The following ARID1B variants were observed in gnomAD, a reference collection of about 807,000 sequenced individuals.
ARID1B encodes AT-rich interactive domain-containing protein 1B.
Under a neutral mutation model 212.3 loss-of-function variants are expected in ARID1B, and 30 were observed. The observed-to-expected ratio is 0.14, with a 90% confidence interval of 0.11 to 0.19. The LOEUF (loss-of-function observed/expected upper bound fraction) is 0.19, where lower values mean the gene tolerates loss of function less well. Among genes scored for constraint, ARID1B ranks in the 10% least tolerant of loss-of-function variants. The probability of loss-of-function intolerance (pLI) is 1.00; values close to 1 mark genes in which losing one functional copy is unlikely to be tolerated. For missense variants in ARID1B, 2,891 were observed against 3,204.0 expected, an observed-to-expected ratio of 0.90 and a Z score of 2.36; for synonymous variants, 1,402 against 1,301.7, an observed-to-expected ratio of 1.08 and a Z score of -1.66.
At chr6:156,952,503 GC>G (rs1425954870) in intron 4 of ARID1B, among the ~76,000 whole-genome samples, 1 of 152,204 alleles carries the variant, frequency 6.6e-6, no homozygotes, top group Non-Finnish European at 1.5e-5. Flanking sequence ...TTCCCATCCT[GC>G]CCCCCATGGT....
At chr6:157,032,340 C>T (rs901269868) in intron 4 of ARID1B, among the ~76,000 whole-genome samples, 7 of 152,170 alleles carry the variant, frequency 4.6e-5, no homozygotes, top group African/African-American at 1.7e-4. Context: ...CTTTAACCAT[C>T]TCCCATATTT....
At chr6:157,085,490 A>G (rs1038051385) in intron 5 of ARID1B, among the ~76,000 whole-genome samples, 1 of 152,108 alleles carries the variant, frequency 6.6e-6, no homozygotes, top group Non-Finnish European at 1.5e-5. Flanking sequence ...CATCGCCTCT[A>G]TCTTCTCCCT....
chr6:157,049,020 A>G (rs1782418708), intron 4 of ARID1B, among the ~76,000 whole-genome samples: 1 of 152,046 alleles, frequency 6.6e-6, no homozygotes, highest in Non-Finnish European at 1.5e-5. Context: ...CTAAAAATAC[A>G]AAAATCAGCC....
At chr6:156,796,659 T>G (rs551474365) in intron 1 of ARID1B, among the ~76,000 whole-genome samples, 60 of 152,354 alleles carry the variant, frequency 3.9e-4, no homozygotes, top group Admixed American at 1.0e-3. Flanking sequence ...TGAGCTTCTC[T>G]CTGTTGGAGA....
At chr6:157,000,375 T>C (rs1373991831) in intron 4 of ARID1B, among the ~76,000 whole-genome samples, 1 of 152,236 alleles carries the variant, frequency 6.6e-6, no homozygotes, top group Non-Finnish European at 1.5e-5. Flanking sequence ...AATGGAGATC[T>C]ATTTTATATC....
chr6:157,053,677 A>G (rs1782750106), intron 4 of ARID1B, among the ~76,000 whole-genome samples: 1 of 152,172 alleles, frequency 6.6e-6, no homozygotes, highest in African/African-American at 2.4e-5. Context: ...GTTTTATGAG[A>G]TTAGGAAAAG....
intron 2 of ARID1B, among the ~76,000 whole-genome samples, chr6:156,898,652 CAAAA>C (rs916729219): frequency 1.3e-5 from 2 of 151,922 alleles, no homozygotes; most frequent in African/African-American, 4.8e-5. Flanking sequence ...AATGCATTGA[CAAAA>C]AAACAATAAT....
intron 5 of ARID1B, among the ~76,000 whole-genome samples, chr6:157,087,814 A>AG (rs1422551035): frequency 2.6e-5 from 4 of 151,868 alleles, no homozygotes; most frequent in Non-Finnish European, 5.9e-5. Flanking sequence ...AAAAAAAAAA[A>AG]AAGTCCACGT....
rs747088591 is a variant in ARID1B, at chr6:157,200,714, C to T, written c.4489C>T (p.Arg1497Cys). ...GLYPQQPNYK[R>C]HMDGMYGPPA... ...TTTCTGTGAATTCCAGAATTACAAA[C>T]GCCATATGGACGGCATGTACGGGCC... Residue 1497 changes from arginine to cysteine, a missense_variant, in exon 18 of 20, where the codon CGC (arginine) becomes TGC (cysteine). Around this residue, in one of 7 missense-constraint regions of ARID1B, gnomAD observed 666 missense variants for 873.5 expected, o/e 0.76. Coordinates refer to ENST00000636930, the MANE Select transcript of ARID1B (RefSeq NM_001374828.1). The surrounding 1 kb of genome is among the most constrained non-coding windows in gnomAD (Gnocchi z 4.3). The T allele has an allele frequency of 3.1e-6, 5 of 1,599,052 alleles. No homozygotes were observed. Among genetic ancestry groups the T allele is most frequent in the Non-Finnish European group, 4.3e-6 (5 of 1,172,520 alleles).
chr6:156,957,726 A>G (rs1389973490), intron 4 of ARID1B, among the ~76,000 whole-genome samples: 2 of 151,960 alleles, frequency 1.3e-5, no homozygotes, highest in Non-Finnish European at 2.9e-5. Flanking sequence ...AAATAATTTC[A>G]TAGTTAGAAT....
chr6:157,037,587 T>A (rs1583191678), intron 4 of ARID1B, among the ~76,000 whole-genome samples: 1 of 152,334 alleles, frequency 6.6e-6, no homozygotes, highest in Non-Finnish European at 1.5e-5. Flanking sequence ...CTAAAAGTAG[T>A]TAAGTTTCTG....
chr6:157,077,521 C>T (rs1242934676), intron 4 of ARID1B, among the ~76,000 whole-genome samples: 1 of 152,178 alleles, frequency 6.6e-6, no homozygotes, highest in Non-Finnish European at 1.5e-5. Flanking sequence ...ACTCTTCCTG[C>T]CCTTTGTGCC....
chr6:157,036,955 C>CT, intron 4 of ARID1B: 1 of 420,634 alleles, frequency 2.4e-6, no homozygotes, highest in Admixed American at 3.4e-5. Flanking sequence ...ACAGAGGGGA[C>CT]TTATTTTTTT....
intron 4 of ARID1B, among the ~76,000 whole-genome samples, chr6:157,039,674 C>CTTCCTTCCTTCCTTCTTTCTTTCT (rs1781642012): frequency 1.3e-5 from 1 of 76,938 alleles, no homozygotes; most frequent in Admixed American, 1.3e-4. Flanking sequence ...TCCTTCCTTC[C>CTTCCTTCCTTCCTTCTTTCTTTCT]TTCCTTCCTT....
At chr6:157,176,248 G>T (rs551055822) in intron 11 of ARID1B, among the ~76,000 whole-genome samples, 2 of 152,172 alleles carry the variant, frequency 1.3e-5, no homozygotes, top group Admixed American at 6.5e-5. Context: ...TCTAGGATGG[G>T]TATAGCAGAC....
chr6:157,181,221 G>T (rs1332125685), intron 12 of ARID1B, 43 bp downstream of exon 12: 2 of 1,600,870 alleles, frequency 1.2e-6, no homozygotes, highest in African/African-American at 2.7e-5. Flanking sequence ...AAGCATTGTG[G>T]ATAAGTTCTT....
In ARID1B at chr6:157,174,920, C is replaced by G; in HGVS notation, c.3419C>G (p.Pro1140Arg). The change falls in exon 11 of 20, where the codon CCC (proline) becomes CGC (arginine). Residue 1140 changes from proline (P) to arginine (R), a missense_variant. Pro to Arg is a moderately radical substitution (Grantham distance 103, BLOSUM62 -2). Coordinates refer to ENST00000636930, the MANE Select transcript of ARID1B (RefSeq NM_001374828.1). Reference sequence around the variant, plus strand: ...CTGCCAGTCCCTTCCCCAATGTCCCCCAGCTCTGCTAGCATCTCCTCATTT... The same window carrying G: ...CTGCCAGTCCCTTCCCCAATGTCCCGCAGCTCTGCTAGCATCTCCTCATTT... ...GNLPVPSPMS[P>R]SSASISSFHG... 1 of 1,547,886 alleles carries G rather than the reference C, an allele frequency of 6.5e-7. No individual in the cohort carries two copies. Among genetic ancestry groups the G allele is most frequent in the Non-Finnish European group, 8.7e-7 (1 of 1,146,222 alleles).
At chr6:156,801,805 C>G (rs953453161) in intron 1 of ARID1B, among the ~76,000 whole-genome samples, 2 of 151,452 alleles carry the variant, frequency 1.3e-5, no homozygotes, top group African/African-American at 2.4e-5. Context: ...TGTTTTTTTT[C>G]TTCCACGATG....
intron 2 of ARID1B, among the ~76,000 whole-genome samples, chr6:156,841,518 T>A (rs1269617691): frequency 1.3e-5 from 2 of 152,204 alleles, no homozygotes; most frequent in Non-Finnish European, 2.9e-5. Context: ...CCCAATTTCT[T>A]ATTTGTAAAT....
Sources: allele counts gnomAD v4.1 joint callset (sites outside exome capture counted in the v4.1 genomes callset), GRCh38; gene constraint gnomAD v4.1.1; regional missense constraint gnomAD v4.1.1; non-coding constraint Gnocchi (gnomAD v3.1); transcripts MANE v1.5; gene names NCBI Gene and HGNC (gene_info 2026-07-23, HGNC 2026-07-21).